CACHD1: variants seen among roughly 807,000 people sequenced by gnomAD.
CACHD1 encodes the protein cache domain containing 1.
A neutral mutation model predicts 138.7 loss-of-function variants in CACHD1; 71 were observed. That is an observed-to-expected ratio of 0.51 (90% CI 0.42 to 0.62). CACHD1 has a LOEUF of 0.62. CACHD1 is among the 20% of genes least tolerant of loss of function. The pLI is 0.00. For synonymous variants in CACHD1, 578 were observed against 591.5 expected (o/e 0.98, Z 0.33); for missense variants, 1,389 against 1,625.3 (o/e 0.85, Z 2.50).
intron 2 of CACHD1, among the ~76,000 whole-genome samples, chr1:64,573,258 T>C (rs534989964): frequency 6.6e-6 from 1 of 152,186 alleles, no homozygotes; most frequent in East Asian, 1.9e-4. Flanking sequence ...ACAGAAACAC[T>C]AGAGTACTCT....
In CACHD1 at chr1:64,516,624, C is replaced by T. The variant is rs200413617; in HGVS notation, c.199-33970C>T. Among the ~76,000 whole-genome samples, 31 of 152,286 alleles carry T rather than the reference C, an allele frequency of 2.0e-4. No individual in the cohort carries two copies. The East Asian group carries it at 5.2e-3, about 26-fold the overall frequency. ...ATTTAATCCTTAAAACAGTCTTGCA[C>T]GATAGGCATCATTATCTCTTGGTTT... On this transcript the variant is annotated intron_variant, in intron 1 of 26. Coordinates refer to ENST00000651257, the MANE Select transcript of CACHD1 (RefSeq NM_020925.4).
chr1:64,617,937 G>A (rs1035719918), intron 4 of CACHD1, among the ~76,000 whole-genome samples: 5 of 152,038 alleles, frequency 3.3e-5, no homozygotes, highest in Admixed American at 6.6e-5. Flanking sequence ...AAAATTAGCC[G>A]GGTGTGGTGG....
chr1:64,652,121 C>T (rs1272146092), intron 9 of CACHD1, 40 bp from the exon 10 acceptor site: 1 of 1,543,240 alleles, frequency 6.5e-7, no homozygotes, highest in South Asian at 1.2e-5. Context: ...CCAATTCCTT[C>T]TCTGCTGGTC....
chr1:64,582,594 T>C (rs1647021531), intron 3 of CACHD1, among the ~76,000 whole-genome samples: 1 of 152,116 alleles, frequency 6.6e-6, no homozygotes, highest in Admixed American at 6.5e-5. Context: ...ATCTAGAAAA[T>C]TGGAAATGCT....
At chr1:64,577,584 T>A (rs559262053) in intron 2 of CACHD1, among the ~76,000 whole-genome samples, 73 of 152,156 alleles carry the variant, frequency 4.8e-4, no homozygotes, top group Non-Finnish European at 8.2e-4. Flanking sequence ...TTGAGCAAAT[T>A]ACCCCTTAGT....
chr1:64,673,724 A>G (rs1288076839), intron 19 of CACHD1, among the ~76,000 whole-genome samples: 4 of 152,120 alleles, frequency 2.6e-5, no homozygotes, highest in Non-Finnish European at 2.9e-5. Flanking sequence ...GACTTTCCCA[A>G]TGTAAGTCCT....
chr1:64,659,155 G>A (rs1049986948), intron 13 of CACHD1, among the ~76,000 whole-genome samples: 1 of 152,142 alleles, frequency 6.6e-6, no homozygotes, highest in African/African-American at 2.4e-5. Flanking sequence ...AAAAAGACAA[G>A]TTTGATGTTG....
intron 1 of CACHD1, among the ~76,000 whole-genome samples, chr1:64,498,755 A>G (rs1478462598): frequency 6.6e-6 from 1 of 152,244 alleles, no homozygotes; most frequent in Non-Finnish European, 1.5e-5. Context: ...ACTGACATCT[A>G]CAACTCAGTT....
At chr1:64,526,166 A>T (rs776509661) in intron 1 of CACHD1, among the ~76,000 whole-genome samples, 1 of 152,150 alleles carries the variant, frequency 6.6e-6, no homozygotes, top group Non-Finnish European at 1.5e-5. Flanking sequence ...TGTAATTGCA[A>T]TGGTGTCCAC....
At chr1:64,598,653 A>G (rs909111217) in intron 3 of CACHD1, among the ~76,000 whole-genome samples, 1 of 152,150 alleles carries the variant, frequency 6.6e-6, no homozygotes, top group African/African-American at 2.4e-5. Context: ...CAAGAGCTAC[A>G]TGGATAGGGT....
At chr1:64,554,312 A>G (rs1171501956) in intron 2 of CACHD1, among the ~76,000 whole-genome samples, 1 of 152,242 alleles carries the variant, frequency 6.6e-6, no homozygotes, top group East Asian at 1.9e-4. Context: ...TGCCAACTTA[A>G]TGATGGTAGA....
intron 1 of CACHD1, among the ~76,000 whole-genome samples, chr1:64,524,297 A>C (rs981395603): frequency 1.3e-5 from 2 of 152,246 alleles, no homozygotes; most frequent in African/African-American, 4.8e-5. Flanking sequence ...AATGACAAGC[A>C]AGTATGTGAA....
chr1:64,690,774 G>A (rs78405643), intron 26 of CACHD1, among the ~76,000 whole-genome samples: 6 of 152,200 alleles, frequency 3.9e-5, no homozygotes, highest in Admixed American at 6.5e-5. Context: ...AAGCAAGCAC[G>A]CAGGTGATGG....
chr1:64,608,518 A>G (rs1366259535), intron 4 of CACHD1, among the ~76,000 whole-genome samples: 1 of 152,212 alleles, frequency 6.6e-6, no homozygotes, highest in East Asian at 1.9e-4. Flanking sequence ...AAGCAGACTC[A>G]CATAAATTAT....
chr1:64,582,000 A>G (rs1325294422), intron 2 of CACHD1, among the ~76,000 whole-genome samples, 156 bp from the exon 3 acceptor site: 1 of 152,086 alleles, frequency 6.6e-6, no homozygotes, highest in African/African-American at 2.4e-5. Context: ...TTTTATCTCA[A>G]CCCACACAGG....
chr1:64,547,178 T>G (rs367801493), intron 1 of CACHD1, among the ~76,000 whole-genome samples: 2 of 152,212 alleles, frequency 1.3e-5, no homozygotes, highest in African/African-American at 4.8e-5. Context: ...ACAGTTGTTA[T>G]GAAGATCAAA....
At chr1:64,473,241 G>A (rs950304650) in intron 1 of CACHD1, among the ~76,000 whole-genome samples, 4 of 151,936 alleles carry the variant, frequency 2.6e-5, no homozygotes, top group African/African-American at 9.7e-5. Context: ...TCTGCTTCTT[G>A]AGCTGTACAT....
At chr1:64,508,350 TA>T (rs1465925431) in intron 1 of CACHD1, among the ~76,000 whole-genome samples, 6 of 152,128 alleles carry the variant, frequency 3.9e-5, no homozygotes, top group Non-Finnish European at 8.8e-5. Context: ...CCTGGAGAGG[TA>T]TTCTTGTATT....
intron 2 of CACHD1, among the ~76,000 whole-genome samples, chr1:64,573,362 CA>C (rs1213657963): frequency 6.6e-6 from 1 of 152,214 alleles, no homozygotes; most frequent in African/African-American, 2.4e-5. Context: ...CCTCACCACA[CA>C]CTGAATCTGC....
Sources: gnomAD v4.1 joint callset for allele counts (sites outside exome capture counted in the v4.1 genomes callset) on GRCh38, gnomAD v4.1.1 for gene constraint, MANE v1.5 for transcripts, NCBI Gene and HGNC (gene_info 2026-07-23, HGNC 2026-07-21) for gene names.